The following DPH6 variants were observed in gnomAD, a reference collection of about 807,000 sequenced individuals.
DPH6 encodes the protein diphthine--ammonia ligase.
In DPH6, 33 loss-of-function variants were observed where a neutral mutation model predicts 38.2. That is an observed-to-expected ratio of 0.86 (90% CI 0.65 to 1.15). The LOEUF (loss-of-function observed/expected upper bound fraction) is 1.15. DPH6 is among the 50% of genes most tolerant of loss of function. The pLI, the probability that DPH6 is intolerant of heterozygous loss-of-function variation, is 0.00. For synonymous variants in DPH6, 108 were observed against 103.0 expected (o/e 1.05, Z -0.30); for missense variants, 325 against 320.0 (o/e 1.02, Z -0.12).
chr15:35,542,653 C>T (rs1423216500), intron 1 of DPH6, 146 bp from the exon 2 acceptor site: 2 of 746,650 alleles, frequency 2.7e-6, no homozygotes, highest in South Asian at 3.3e-5. Context: ...ATTTCTAAAT[C>T]ATAAACAAAC....
chr15:35,237,788 GC>G lies in DPH6; in HGVS notation n.201-17207del, dbSNP rs558989743. The G allele has an allele frequency of 9.0e-5, 145 of 1,603,222 alleles. No homozygotes were observed. The African/African-American group carries it at 1.7e-3, about 19-fold the overall frequency. ...CGGCTATGACCGGGACGACAAGGAGGCCCCTAACTTGGATGCTGAGGGCTAC... is the reference window on the plus strand; with the variant it reads ...CGGCTATGACCGGGACGACAAGGAGGCCCTAACTTGGATGCTGAGGGCTAC... On this transcript the variant is annotated intron_variant and non_coding_transcript_variant, in intron 3 of 3. Transcript: ENST00000560386.
At chr15:35,365,351 A>G (rs992179149) in intron 3 of DPH6, among the ~76,000 whole-genome samples, 2 of 152,248 alleles carry the variant, frequency 1.3e-5, no homozygotes, top group South Asian at 2.1e-4. Context: ...TCAGTTCACT[A>G]TTGTACACCC....
intron 3 of DPH6, among the ~76,000 whole-genome samples, chr15:35,283,267 TTCTTCC>T (rs746343513): frequency 2.4e-4 from 36 of 150,416 alleles, no homozygotes; most frequent in African/African-American, 7.4e-4. Flanking sequence ...TTCTTCTTCT[TTCTTCC>T]TCTTCCTCTT....
At chr15:35,177,540 T>G in the DPH6 span, among the ~76,000 whole-genome samples, 3 of 141,448 alleles carry the variant, frequency 2.1e-5, no homozygotes, top group Admixed American at 1.5e-4. Context: ...GACCTATGAT[T>G]GCACTTGCAC....
At chr15:35,400,534 T>C (rs1188022776) in intron 6 of DPH6, among the ~76,000 whole-genome samples, 3 of 152,082 alleles carry the variant, frequency 2.0e-5, no homozygotes, top group Admixed American at 2.0e-4. Flanking sequence ...GAGGTAAATA[T>C]CAAAAACAAC....
At chr15:35,317,722 T>C (rs991247292) in intron 3 of DPH6, among the ~76,000 whole-genome samples, 11 of 152,122 alleles carry the variant, frequency 7.2e-5, no homozygotes, top group Non-Finnish European at 1.6e-4. Context: ...GTAATTATTA[T>C]GTCTTCTGGG....
intron 3 of DPH6, among the ~76,000 whole-genome samples, chr15:35,493,647 T>G (rs16961104): frequency 0.014 from 2,103 of 152,232 alleles, 47 homozygotes; most frequent in African/African-American, 0.048. Context: ...TTTATTAATA[T>G]GGAAACTGAG....
intron 3 of DPH6, among the ~76,000 whole-genome samples, chr15:35,245,030 C>T (rs573368483): frequency 2.9e-4 from 44 of 152,148 alleles, no homozygotes; most frequent in African/African-American, 1.0e-3. Context: ...AAAGTCATTA[C>T]ACTTTTAGGG....
At chr15:35,394,676 T>C (rs1180610162) in intron 6 of DPH6, among the ~76,000 whole-genome samples, 2 of 152,224 alleles carry the variant, frequency 1.3e-5, no homozygotes, top group Non-Finnish European at 2.9e-5. Context: ...GATCTTAGGT[T>C]ATGTAAGCGC....
At position 35,225,044 on chromosome 15, in the gene DPH6, C is replaced by T. The variant is rs1047005140; in HGVS notation, n.201-4462G>A. Among the ~76,000 whole-genome samples, 5 of 152,194 alleles carry T rather than the reference C, an allele frequency of 3.3e-5. No homozygotes were observed. In the South Asian group the frequency reaches 1.0e-3, roughly 32 times the overall value. On this transcript the variant is annotated intron_variant and non_coding_transcript_variant, in intron 3 of 3. Coordinates refer to the DPH6 transcript ENST00000560386. ...TTTCAGGATCCCATCCAGGATAACA[C>T]ATTGCATTCAGCCATATGTCTCCTT...
intron 3 of DPH6, among the ~76,000 whole-genome samples, chr15:35,264,416 C>T (rs1235296913): frequency 6.6e-6 from 1 of 152,194 alleles, no homozygotes; most frequent in Non-Finnish European, 1.5e-5. Context: ...ATTTACCCAA[C>T]ACTTTAATAT....
At chr15:35,357,238 G>C (rs2052569572) in intron 3 of DPH6, among the ~76,000 whole-genome samples, 1 of 152,192 alleles carries the variant, frequency 6.6e-6, no homozygotes, top group Non-Finnish European at 1.5e-5. Context: ...TCCCAGGTGA[G>C]GCGATGCCTC....
At chr15:35,460,362 C>A (rs2054049474) in intron 3 of DPH6, among the ~76,000 whole-genome samples, 1 of 152,020 alleles carries the variant, frequency 6.6e-6, no homozygotes, top group African/African-American at 2.4e-5. Flanking sequence ...GTAGTAGAGA[C>A]CAAACGGGAA....
In DPH6 at chr15:35,538,153, C is replaced by T. The variant is rs2055199180; in HGVS notation, c.312+121G>A. ...TTTTCTAACCAAAAAAAGACAAAAT[C>T]CTTTTAAAGAATAGTTGGGCTACTA... On this transcript the variant is annotated intron_variant, in intron 3 of 8. Transcript: ENST00000256538. 5.8e-6 allele frequency: 5 copies of T among 860,928 alleles called. No individual in the cohort carries two copies. The South Asian group carries it at 1.9e-4, about 33-fold the overall frequency. The allele number at this position is 860,928 out of a possible 1,614,324, so 53.3% of individuals were successfully genotyped here.
At chr15:35,388,049 T>A (rs1231409479) in intron 6 of DPH6, among the ~76,000 whole-genome samples, 2 of 152,186 alleles carry the variant, frequency 1.3e-5, no homozygotes, top group Non-Finnish European at 2.9e-5. Flanking sequence ...GTTTTTAGCA[T>A]GAAGGTTGTT....
intron 7 of DPH6, among the ~76,000 whole-genome samples, chr15:35,376,087 T>C (rs955883647): frequency 1.3e-5 from 2 of 152,180 alleles, no homozygotes; most frequent in African/African-American, 4.8e-5. Flanking sequence ...TGCTTCAGTA[T>C]TGCATTTATA....
At chr15:35,356,923 G>C (rs2052566071) in intron 3 of DPH6, among the ~76,000 whole-genome samples, 1 of 152,164 alleles carries the variant, frequency 6.6e-6, no homozygotes, top group African/African-American at 2.4e-5. Flanking sequence ...AGCTGCAGTG[G>C]GCTCCACTCA....
At chr15:35,481,233 G>T (rs1385433675) in intron 3 of DPH6, among the ~76,000 whole-genome samples, 1 of 152,180 alleles carries the variant, frequency 6.6e-6, no homozygotes, top group East Asian at 1.9e-4. Flanking sequence ...CAGAGCTTTA[G>T]ACCCAACTAC....
rs1326166982 is a variant in DPH6 at position 35,371,824 on chromosome 15, G to C, written c.*326C>G. The C allele has an allele frequency of 9.7e-7, 1 of 1,027,844 alleles. No individual in the cohort carries two copies. The highest frequency in any genetic ancestry group is 1.7e-5 in the African/African-American group (1 of 57,862). 63.7% of individuals were successfully genotyped at this position (1,027,844 alleles called of 1,614,324 possible). On this transcript the variant is annotated 3_prime_UTR_variant, in exon 9 of 9. Coordinates refer to ENST00000256538, the MANE Select transcript of DPH6 (RefSeq NM_080650.4). ...GGGATTGGAGCAAGAAAGAGAGAAG[G>C]AGGAAAAGAAACTAGTGTGATAAAA...
Sources: allele counts gnomAD v4.1 joint callset (sites outside exome capture counted in the v4.1 genomes callset), GRCh38; gene constraint gnomAD v4.1.1; transcripts MANE v1.5; gene names NCBI Gene and HGNC (gene_info 2026-07-23, HGNC 2026-07-21).